Variants in ANKS1B observed in about 807,000 individuals in gnomAD.
ANKS1B encodes the protein ankyrin repeat and sterile alpha motif domain containing 1B, also known as ankyrin repeat and sterile alpha motif domain-containing protein 1B.
Under a neutral mutation model 148.3 loss-of-function variants are expected in ANKS1B, and 36 were observed. The ratio of observed to expected loss-of-function variants is 0.24; its 90% CI spans 0.19 to 0.32. The LOEUF is 0.32. Among genes scored for constraint, ANKS1B ranks in the 10% least tolerant of loss-of-function variants. The pLI is 1.00. For missense variants in ANKS1B, 1,157 were observed against 1,542.6 expected (o/e 0.75, Z 4.19); for synonymous variants, 542 against 560.8 (o/e 0.97, Z 0.47).
chr12:99,398,076 G>A (rs922574910), intron 12 of ANKS1B, among the ~76,000 whole-genome samples: 1 of 152,108 alleles, frequency 6.6e-6, no homozygotes, highest in African/African-American at 2.4e-5. Flanking sequence ...GATATGGTAA[G>A]GAGTTGGGTT....
At chr12:99,466,654 C>G (rs12819605) in intron 10 of ANKS1B, among the ~76,000 whole-genome samples, 5 of 151,408 alleles carry the variant, frequency 3.3e-5, no homozygotes, top group Admixed American at 6.6e-5. Flanking sequence ...GAGAATACTA[C>G]AAACACCTCT....
intron 9 of ANKS1B, among the ~76,000 whole-genome samples, chr12:99,622,890 T>C (rs2098071294): frequency 6.6e-6 from 1 of 152,040 alleles, no homozygotes; most frequent in Non-Finnish European, 1.5e-5. Context: ...GCCTATCTCT[T>C]TCTATGAAAC....
At chr12:99,517,983 GTTT>G (rs144757625) in intron 9 of ANKS1B, among the ~76,000 whole-genome samples, 4 of 152,058 alleles carry the variant, frequency 2.6e-5, no homozygotes, top group Non-Finnish European at 5.9e-5. Flanking sequence ...TGATCATATG[GTTT>G]TTATCCTTTA....
intron 19 of ANKS1B, among the ~76,000 whole-genome samples, chr12:98,818,171 C>CCCTTCCTT (rs58644436): frequency 7.7e-6 from 1 of 129,106 alleles, no homozygotes; most frequent in Admixed American, 8.0e-5. Flanking sequence ...CTCCCTCCCT[C>CCCTTCCTT]CCTTCCTTCC....
Position 99,246,779 on chromosome 12 carries a change from T to C in ANKS1B, c.1842A>G (p.Pro614=), listed in dbSNP as rs1552759. 0.65 allele frequency: 1,055,322 copies of C among 1,613,296 alleles called. 352,083 individuals are homozygous for C. Among genetic ancestry groups the C allele is most frequent in the East Asian group, 0.89 (40,065 of 44,846 alleles). ...ATGGATTTTCAGGGGACTCACAGGC[T>C]GGAGAGGATCCATGGAGCAGGCCTG... The part of the protein sequence containing the change: ...QFAGLLHGSS[P]ACESPENPFH... Residue 614 remains proline, a synonymous_variant, in exon 13 of 27, where the codon CCA becomes CCG. Coordinates refer to ENST00000683438, the MANE Select transcript of ANKS1B (RefSeq NM_001352186.2).
chr12:99,454,767 T>G (rs551934930), intron 10 of ANKS1B, among the ~76,000 whole-genome samples: 4 of 152,238 alleles, frequency 2.6e-5, no homozygotes, highest in African/African-American at 9.6e-5. Context: ...CTTGTAGAAT[T>G]TTACCTTCCT....
chr12:99,206,540 T>A (rs2082693166), intron 14 of ANKS1B, among the ~76,000 whole-genome samples: 1 of 152,228 alleles, frequency 6.6e-6, no homozygotes. Context: ...AAAAGTTTAA[T>A]GATTAATTGA....
chr12:99,217,653 T>C (rs2084425178), intron 14 of ANKS1B, among the ~76,000 whole-genome samples: 1 of 151,040 alleles, frequency 6.6e-6, no homozygotes, highest in African/African-American at 2.4e-5. Flanking sequence ...TCTCTTTCAG[T>C]TTTTTTTTGG....
intron 1 of ANKS1B, among the ~76,000 whole-genome samples, chr12:99,838,336 T>G (rs1248217688): frequency 6.6e-6 from 1 of 152,194 alleles, no homozygotes; most frequent in Non-Finnish European, 1.5e-5. Flanking sequence ...GATATTTCCA[T>G]GAAGTTTTCC....
At chr12:99,969,854 A>G (rs1921023) in intron 1 of ANKS1B, among the ~76,000 whole-genome samples, 93,995 of 152,066 alleles carry the variant, frequency 0.62, 30,697 homozygotes, top group African/African-American at 0.77. Flanking sequence ...CTGCATGAGT[A>G]CTGATTATAA....
At chr12:99,791,036 G>A (rs2153644431) in intron 4 of ANKS1B, among the ~76,000 whole-genome samples, 1 of 152,030 alleles carries the variant, frequency 6.6e-6, no homozygotes, top group Admixed American at 6.6e-5. Flanking sequence ...GGAAGCACAT[G>A]TTACCTATAA....
rs886994701 is a variant in ANKS1B at position 99,246,451 on chromosome 12, T to C, written c.2170A>G (p.Lys724Glu). ...GACAAATGCATGTCGATCAAGGCTTTAGGCAATGACCTTATTCTCCCCAGA... is the reference window on the plus strand; with the variant it reads ...GACAAATGCATGTCGATCAAGGCTTCAGGCAATGACCTTATTCTCCCCAGA... ...CTLGRIRSLP[K>E]ALIDMHLSKS... The change falls in exon 13 of 27, where the codon AAA (lysine) becomes GAA (glutamate). Residue 724 changes from lysine (K) to glutamate (E), a missense_variant. By Grantham distance (56) the Lys-to-Glu change is moderately conservative. This residue lies in a region of ANKS1B where 661 missense variants were observed against 642.1 expected (regional missense o/e 1.03). Transcript: ENST00000683438. 6.2e-6 allele frequency: 10 copies of C among 1,613,926 alleles called. No homozygotes were observed. Among genetic ancestry groups the C allele is most frequent in the Non-Finnish European group, 8.5e-6 (10 of 1,179,870 alleles).
At chr12:99,733,253 T>C (rs990894053) in intron 8 of ANKS1B, among the ~76,000 whole-genome samples, 1 of 152,188 alleles carries the variant, frequency 6.6e-6, no homozygotes, top group Non-Finnish European at 1.5e-5. Flanking sequence ...GCACTTGAAC[T>C]CCTATAATCA....
intron 8 of ANKS1B, among the ~76,000 whole-genome samples, chr12:99,683,103 T>A (rs1422406319): frequency 1.3e-5 from 2 of 152,008 alleles, no homozygotes; most frequent in South Asian, 2.1e-4. Context: ...TACACTACCA[T>A]GAGAACAGTA....
rs774036451 is a variant in ANKS1B, at chr12:98,829,137, T to C, written c.3066+37A>G. 24 of 1,612,554 alleles carry C rather than the reference T, an allele frequency of 1.5e-5. No individual in the cohort carries two copies. The highest frequency in any genetic ancestry group is 1.1e-4 in the South Asian group (10 of 90,922). On this transcript the variant is annotated intron_variant, in intron 19 of 26. Coordinates refer to ENST00000683438, the MANE Select transcript of ANKS1B (RefSeq NM_001352186.2). This position sits in a 1 kb window ranked among gnomAD's most constrained non-coding sequence, Gnocchi z 5.2. ...CACTATTAAAAGGCATTACCTGATA[T>C]GGTTGAAAAATATCACAAAGGCTTA... is the stretch of plus-strand genomic sequence containing the variant.
chr12:99,001,941 G>A (rs1315173551), intron 17 of ANKS1B, among the ~76,000 whole-genome samples: 1 of 152,156 alleles, frequency 6.6e-6, no homozygotes, highest in East Asian at 1.9e-4. Context: ...TTAGCATGAT[G>A]TCCTTCAGAT....
At chr12:99,611,457 T>A (rs796866173) in intron 9 of ANKS1B, among the ~76,000 whole-genome samples, 4 of 152,256 alleles carry the variant, frequency 2.6e-5, no homozygotes, top group African/African-American at 9.6e-5. Context: ...ATTTTGAGCA[T>A]ATCCAAAGCT....
intron 8 of ANKS1B, among the ~76,000 whole-genome samples, chr12:99,699,280 T>G (rs994522508): frequency 1.3e-5 from 2 of 152,178 alleles, no homozygotes; most frequent in Non-Finnish European, 2.9e-5. Context: ...TTTTTCCATG[T>G]GTTTTTTCTT....
rs1415584715 is a variant in ANKS1B, at chr12:99,960,813, T to C, written c.134+23291A>G. Among the ~76,000 whole-genome samples the C allele has an allele frequency of 4.6e-5, 7 of 152,210 alleles. No homozygotes were observed. In the East Asian group the frequency reaches 1.2e-3, roughly 25 times the overall value. On this transcript the variant is annotated intron_variant, in intron 1 of 26. Coordinates refer to ENST00000683438, the MANE Select transcript of ANKS1B (RefSeq NM_001352186.2). Reference sequence around the variant, plus strand: ...GCCAATAACCAGGGAAAAGGAAGGGTAGGCATTCATTTTGAGTGACTTTAC... The same window carrying C: ...GCCAATAACCAGGGAAAAGGAAGGGCAGGCATTCATTTTGAGTGACTTTAC...
Sources: allele counts gnomAD v4.1 joint callset (sites outside exome capture counted in the v4.1 genomes callset), GRCh38; gene constraint gnomAD v4.1.1; regional missense constraint gnomAD v4.1.1; non-coding constraint Gnocchi (gnomAD v3.1); transcripts MANE v1.5; gene names NCBI Gene and HGNC (gene_info 2026-07-23, HGNC 2026-07-21).